The following NPSR1 variants were observed in gnomAD, a reference collection of about 807,000 sequenced individuals.
NPSR1 encodes neuropeptide S receptor 1.
In NPSR1, 48 loss-of-function variants were observed where a neutral mutation model predicts 46.9. The observed-to-expected ratio is 1.02, with a 90% CI of 0.81 to 1.30. The LOEUF (loss-of-function observed/expected upper bound fraction) is 1.30. Among genes scored for constraint, NPSR1 ranks in the 50% most tolerant of loss-of-function variants. The probability of loss-of-function intolerance (pLI) is 0.00; values close to 1 mark genes in which losing one functional copy is unlikely to be tolerated. For missense variants in NPSR1, 450 were observed against 449.5 expected (o/e 1.00, Z -0.01); for synonymous variants, 176 against 168.1 (o/e 1.05, Z -0.36).
At chr7:34,869,520 T>C (rs539724641) in intron 8 of NPSR1, among the ~76,000 whole-genome samples, 4 of 151,860 alleles carry the variant, frequency 2.6e-5, no homozygotes, top group African/African-American at 7.3e-5. Flanking sequence ...TCCCCACTGC[T>C]TTCACAACAA....
chr7:34,723,104 T>C (rs1280151014), intron 2 of NPSR1, among the ~76,000 whole-genome samples: 1 of 152,174 alleles, frequency 6.6e-6, no homozygotes, highest in Non-Finnish European at 1.5e-5. Flanking sequence ...AATCCGTCCA[T>C]CCTGGCTGCA....
At chr7:34,876,834 G>A (rs1791586663) in intron 8 of NPSR1, among the ~76,000 whole-genome samples, 1 of 152,172 alleles carries the variant, frequency 6.6e-6, no homozygotes, top group Admixed American at 6.5e-5. Context: ...CTTTGAGCAA[G>A]GTTAGAGAGA....
intron 2 of NPSR1, among the ~76,000 whole-genome samples, chr7:34,690,073 C>T (rs1036628117): frequency 6.6e-6 from 1 of 152,124 alleles, no homozygotes; most frequent in African/African-American, 2.4e-5. Context: ...TGAGCCTCCT[C>T]ACATACCCAG....
intron 1 of NPSR1, among the ~76,000 whole-genome samples, chr7:34,665,630 C>A (rs923104658): frequency 6.6e-6 from 1 of 152,124 alleles, no homozygotes; most frequent in Admixed American, 6.6e-5. Flanking sequence ...TTTCTCACAC[C>A]TTTTTCTTCT....
At chr7:34,672,492 C>G (rs1358594104) in intron 1 of NPSR1, among the ~76,000 whole-genome samples, 1 of 151,818 alleles carries the variant, frequency 6.6e-6, no homozygotes, top group Non-Finnish European at 1.5e-5. Flanking sequence ...CATGCCAAGC[C>G]CTGATCGAAA....
intron 8 of NPSR1, among the ~76,000 whole-genome samples, chr7:34,872,564 C>T (rs1791483111): frequency 1.3e-5 from 2 of 151,794 alleles, no homozygotes; most frequent in Non-Finnish European, 2.9e-5. Context: ...GAGACATACC[C>T]AAGACTGGGT....
At chr7:34,774,920 A>G (rs1295664738) in intron 2 of NPSR1, among the ~76,000 whole-genome samples, 1 of 152,150 alleles carries the variant, frequency 6.6e-6, no homozygotes, top group African/African-American at 2.4e-5. Context: ...ATCTTGCTCT[A>G]TTTATTGAGA....
chr7:34,868,626 A>G (rs560251039), intron 8 of NPSR1, among the ~76,000 whole-genome samples: 68 of 151,776 alleles, frequency 4.5e-4, no homozygotes, highest in African/African-American at 1.4e-3. Context: ...CACTAAGGGA[A>G]GAAGGAGCTG....
At chr7:34,805,498 A>C (rs1016933363) in intron 3 of NPSR1, among the ~76,000 whole-genome samples, 3 of 150,692 alleles carry the variant, frequency 2.0e-5, no homozygotes, top group Admixed American at 1.3e-4. Flanking sequence ...AAAAAAAAAA[A>C]AAACTTAATG....
chr7:34,848,716 T>C, intron 8 of NPSR1, 53 bp downstream of exon 8: 1 of 1,515,048 alleles, frequency 6.6e-7, no homozygotes, highest in Non-Finnish European at 9.0e-7. Context: ...TGCACTGGGA[T>C]TCTGCCAACA....
At chr7:34,709,375 C>G (rs1257667765) in intron 2 of NPSR1, among the ~76,000 whole-genome samples, 1 of 152,194 alleles carries the variant, frequency 6.6e-6, no homozygotes, top group Non-Finnish European at 1.5e-5. Flanking sequence ...TTTACAACTT[C>G]CAGTGACTCT....
chr7:34,733,072 CAAAT>C (rs888818279), intron 2 of NPSR1, among the ~76,000 whole-genome samples: 16 of 152,290 alleles, frequency 1.1e-4, no homozygotes, highest in Admixed American at 2.6e-4. Flanking sequence ...AAAAATTAGA[CAAAT>C]GAATGATGAA....
chr7:34,682,565 G>A (rs1410796095), intron 1 of NPSR1, among the ~76,000 whole-genome samples: 3 of 152,098 alleles, frequency 2.0e-5, no homozygotes, highest in African/African-American at 7.2e-5. Context: ...TTTTAAGAGA[G>A]GTCCTCCAAA....
chr7:34,814,726 T>C (rs1789158694), intron 4 of NPSR1, among the ~76,000 whole-genome samples: 1 of 152,250 alleles, frequency 6.6e-6, no homozygotes, highest in South Asian at 2.1e-4. Context: ...TTTGCTGTTC[T>C]GCAATATTTG....
At chr7:34,745,725 G>A (rs1196374375) in intron 2 of NPSR1, among the ~76,000 whole-genome samples, 1 of 152,124 alleles carries the variant, frequency 6.6e-6, no homozygotes, top group African/African-American at 2.4e-5. Context: ...TGTTGCCCAG[G>A]CTGGTCTTAA....
chr7:34,781,902 C>T (rs1787247007), intron 3 of NPSR1, among the ~76,000 whole-genome samples: 1 of 152,190 alleles, frequency 6.6e-6, no homozygotes, highest in Admixed American at 6.5e-5. Flanking sequence ...CAGACACTGA[C>T]TTAACCACCA....
rs140116226 is a variant in NPSR1 at position 34,723,614 on chromosome 7, G to C, written c.280+38930G>C. On this transcript the variant is annotated intron_variant, in intron 2 of 8. Coordinates refer to ENST00000360581, the MANE Select transcript of NPSR1 (RefSeq NM_207172.2). ...ATTTGAAGTAGAAATAGGTCACTGG[G>C]ATTTCCATTTCAAATCTCTATTGAA... Among the ~76,000 whole-genome samples, 4 of 152,112 alleles carry C rather than the reference G, an allele frequency of 2.6e-5. No individual in the cohort carries two copies. The East Asian group carries it at 7.7e-4, about 29-fold the overall frequency.
chr7:34,790,988 A>ATATATCATATATGTTATAT (rs1787787031), intron 3 of NPSR1, among the ~76,000 whole-genome samples: 2 of 92,694 alleles, frequency 2.2e-5, no homozygotes, highest in African/African-American at 9.1e-5. Context: ...ATGTTATATT[A>ATATATCATATATGTTATAT]TATATGTTAT....
chr7:34,807,234 T>C (rs1275985659), intron 3 of NPSR1, among the ~76,000 whole-genome samples: 1 of 152,204 alleles, frequency 6.6e-6, no homozygotes, highest in Admixed American at 6.5e-5. Flanking sequence ...TAAGTCTTAC[T>C]TTTTAGAGCT....
Sources: gnomAD v4.1 joint callset for allele counts (sites outside exome capture counted in the v4.1 genomes callset) on GRCh38, gnomAD v4.1.1 for gene constraint, MANE v1.5 for transcripts, NCBI Gene and HGNC (gene_info 2026-07-23, HGNC 2026-07-21) for gene names.